Variants in BRINP3 observed in about 807,000 individuals in gnomAD.
BRINP3 encodes BMP/retinoic acid-inducible neural-specific protein 3.
BRINP3 carries 19 observed loss-of-function variants against 71.0 expected under a neutral mutation model. The observed-to-expected ratio is 0.27, with a 90% confidence interval of 0.19 to 0.39. The LOEUF is 0.39. Ranked by LOEUF, BRINP3 falls within the 10% of genes least tolerant of loss-of-function variation. BRINP3 has a pLI of 1.00. For synonymous variants in BRINP3, 380 were observed against 337.7 expected, an observed-to-expected ratio of 1.13 and a Z score of -1.37; for missense variants, 959 against 940.8, an observed-to-expected ratio of 1.02 and a Z score of -0.25.
At chr1:190,138,556 C>T (rs970719392) in intron 7 of BRINP3, among the ~76,000 whole-genome samples, 3 of 152,072 alleles carry the variant, frequency 2.0e-5, no homozygotes, top group East Asian at 3.9e-4. Flanking sequence ...AGTTTTTGTG[C>T]TTTGCCCTCT....
At chr1:190,463,976 C>T (rs543071489) in intron 1 of BRINP3, among the ~76,000 whole-genome samples, 18 of 151,876 alleles carry the variant, frequency 1.2e-4, no homozygotes, top group Non-Finnish European at 1.8e-4. Context: ...TATTTCTATA[C>T]TCCAACAAGA....
intron 6 of BRINP3, among the ~76,000 whole-genome samples, chr1:190,171,570 C>G (rs1652011182): frequency 6.6e-6 from 1 of 152,030 alleles, no homozygotes; most frequent in African/African-American, 2.4e-5. Flanking sequence ...TAAGAAATTT[C>G]ATCCATAATT....
At chr1:190,318,707 C>T (rs1184667424) in intron 2 of BRINP3, among the ~76,000 whole-genome samples, 2 of 151,946 alleles carry the variant, frequency 1.3e-5, no homozygotes, top group African/African-American at 4.8e-5. Flanking sequence ...AATTATGAAG[C>T]TGGGACATAC....
chr1:190,128,602 T>C (rs1654280124), intron 7 of BRINP3, among the ~76,000 whole-genome samples: 1 of 151,770 alleles, frequency 6.6e-6, no homozygotes, highest in African/African-American at 2.4e-5. Context: ...ACAAAAATGG[T>C]AGAATGAGAT....
intron 3 of BRINP3, among the ~76,000 whole-genome samples, chr1:190,280,613 G>A (rs973180082): frequency 6.6e-6 from 1 of 151,804 alleles, no homozygotes; most frequent in African/African-American, 2.4e-5. Context: ...ATCCTCTAAG[G>A]CTAGAAAATG....
rs756154393 is a variant in BRINP3 at position 190,178,235 on chromosome 1, C to T, written c.962-17345G>A. On this transcript the variant is annotated intron_variant, in intron 6 of 7. Coordinates refer to ENST00000367462, the MANE Select transcript of BRINP3 (RefSeq NM_199051.3). ...TACTATGGACCTATAATTTCTAAAT[C>T]GTGTAGAAAGATAGGATATCATAGA... 1.2e-3 allele frequency among the ~76,000 whole-genome samples: 184 copies of T among 152,020 alleles called. 3 individuals carry two copies. Among genetic ancestry groups the T allele is most frequent in the Non-Finnish European group, 2.2e-4 (15 of 67,962 alleles).
At chr1:190,299,161 C>A (rs2102990110) in intron 2 of BRINP3, among the ~76,000 whole-genome samples, 1 of 151,978 alleles carries the variant, frequency 6.6e-6, no homozygotes, top group South Asian at 2.1e-4. Flanking sequence ...TGTCATTTTC[C>A]AGTCTTTACT....
At chr1:190,313,128 TTGAA>T (rs1665648326) in intron 2 of BRINP3, among the ~76,000 whole-genome samples, 1 of 151,874 alleles carries the variant, frequency 6.6e-6, no homozygotes, top group South Asian at 2.1e-4. Context: ...AAAATTATAA[TTGAA>T]TGGACCTATT....
intron 2 of BRINP3, among the ~76,000 whole-genome samples, chr1:190,414,377 C>T (rs1672882160): frequency 6.6e-6 from 1 of 151,562 alleles, no homozygotes. Flanking sequence ...TTACATTTGC[C>T]TGCTAATGTA....
At chr1:190,255,194 T>C (rs906264457) in intron 4 of BRINP3, among the ~76,000 whole-genome samples, 2 of 152,102 alleles carry the variant, frequency 1.3e-5, no homozygotes, top group Non-Finnish European at 2.9e-5. Flanking sequence ...GTTGAGGATT[T>C]TCACATTGAT....
chr1:190,147,289 A>G (rs1316773977), intron 7 of BRINP3, among the ~76,000 whole-genome samples: 1 of 152,158 alleles, frequency 6.6e-6, no homozygotes, highest in African/African-American at 2.4e-5. Flanking sequence ...CAAACTTACT[A>G]AACAAGGATA....
At chr1:190,378,292 G>A (rs1377809389) in intron 2 of BRINP3, among the ~76,000 whole-genome samples, 1 of 152,158 alleles carries the variant, frequency 6.6e-6, no homozygotes, top group Non-Finnish European at 1.5e-5. Flanking sequence ...CAAAAATGCT[G>A]TAGGAAAAAA....
intron 1 of BRINP3, among the ~76,000 whole-genome samples, chr1:190,466,095 G>T (rs1676727023): frequency 6.6e-6 from 1 of 150,668 alleles, no homozygotes; most frequent in South Asian, 2.1e-4. Flanking sequence ...GGACAATATT[G>T]CCCCTGCACT....
intron 2 of BRINP3, among the ~76,000 whole-genome samples, chr1:190,360,795 A>G (rs894865289): frequency 6.6e-6 from 1 of 152,106 alleles, no homozygotes; most frequent in Non-Finnish European, 1.5e-5. Context: ...CAGCAGTTAT[A>G]AAGAAAAATA....
intron 7 of BRINP3, among the ~76,000 whole-genome samples, chr1:190,157,104 C>A (rs1242186786): frequency 6.6e-6 from 1 of 151,728 alleles, no homozygotes; most frequent in Non-Finnish European, 1.5e-5. Context: ...AGGATTGGTT[C>A]CAGGAATTCC....
intron 5 of BRINP3, among the ~76,000 whole-genome samples, chr1:190,227,235 A>G (rs1657474506): frequency 6.6e-6 from 1 of 151,864 alleles, no homozygotes; most frequent in Admixed American, 6.6e-5. Flanking sequence ...CTGTTTAACA[A>G]AAAAATCAAT....
intron 6 of BRINP3, among the ~76,000 whole-genome samples, chr1:190,201,724 C>T (rs576913920): frequency 2.6e-4 from 39 of 151,520 alleles, no homozygotes; most frequent in Non-Finnish European, 5.3e-4. Flanking sequence ...ACATAGAATT[C>T]GGAACGTGGC....
Position 190,098,348 on chromosome 1 carries a change from G to T in BRINP3, c.1971C>A (p.Asn657Lys). The T allele has an allele frequency of 6.2e-7, 1 of 1,614,106 alleles. No homozygotes were observed. The highest frequency in any genetic ancestry group is 8.5e-7 in the Non-Finnish European group (1 of 1,180,020). Residue 657 changes from asparagine to lysine, a missense_variant, in exon 8 of 8, where the codon AAC (asparagine) becomes AAA (lysine). Physicochemically the swap from Asn to Lys is moderately conservative, Grantham distance 94. Coordinates refer to ENST00000367462, the MANE Select transcript of BRINP3 (RefSeq NM_199051.3). Reference protein sequence around the residue: ...EPLEFIDPSRNLGYMKINNIQ... With the variant: ...EPLEFIDPSRKLGYMKINNIQ... ...TGTTATTGATTTTCATATAGCCCAG[G>T]TTCCGGGAAGGGTCAATAAACTCCA...
chr1:190,187,872 C>T (rs1653675722), intron 6 of BRINP3, among the ~76,000 whole-genome samples: 2 of 149,978 alleles, frequency 1.3e-5, no homozygotes, highest in Admixed American at 6.7e-5. Flanking sequence ...GAGGCTTTTG[C>T]AGTATCGTTC....
Sources: allele counts gnomAD v4.1 joint callset (sites outside exome capture counted in the v4.1 genomes callset), GRCh38; gene constraint gnomAD v4.1.1; transcripts MANE v1.5; gene names NCBI Gene and HGNC (gene_info 2026-07-23, HGNC 2026-07-21).